STARD13: variants seen among roughly 807,000 people sequenced by gnomAD.
The protein encoded by STARD13 is stAR-related lipid transfer protein 13.
A neutral mutation model predicts 106.4 loss-of-function variants in STARD13; 62 were observed. The ratio of observed to expected loss-of-function variants is 0.58; its 90% CI spans 0.48 to 0.72. The LOEUF (loss-of-function observed/expected upper bound fraction) is 0.72. Ranked by LOEUF, STARD13 falls within the 30% of genes least tolerant of loss-of-function variation. STARD13 has a pLI of 0.00. For missense variants in STARD13, 1,387 were observed against 1,424.0 expected (o/e 0.97, Z 0.42); for synonymous variants, 565 against 553.0 (o/e 1.02, Z -0.31).
At chr13:33,513,700 A>G in the STARD13 span, among the ~76,000 whole-genome samples, 1 of 152,072 alleles carries the variant, frequency 6.6e-6, no homozygotes, top group Non-Finnish European at 1.5e-5. Context: ...CTATGCCATT[A>G]TGTATTTATG....
chr13:33,279,708 G>T (rs898178728), intron 1 of STARD13: 1 of 152,214 alleles, frequency 6.6e-6, no homozygotes, highest in African/African-American at 2.4e-5. Context: ...TTTGGTTAAA[G>T]TTAAACTCTC....
the STARD13 span, among the ~76,000 whole-genome samples, chr13:33,673,460 C>T: frequency 6.6e-6 from 1 of 151,780 alleles, no homozygotes; most frequent in Non-Finnish European, 1.5e-5. Context: ...TAAGTTACAC[C>T]TTACATGATT....
In STARD13 at chr13:33,123,055, CAAAAAA is replaced by C. The variant is rs71071079; in HGVS notation, c.2082+3020_2082+3025del. 2.6e-4 allele frequency among the ~76,000 whole-genome samples: 12 copies of C among 45,860 alleles called. No homozygotes were observed. The South Asian group carries it at 6.9e-3, about 26-fold the overall frequency. 30.1% of individuals were successfully genotyped at this position (45,860 alleles called of 152,430 possible). A position where few individuals can be genotyped will look rare whatever the true frequency, so the allele number is the denominator to read the frequency against. On this transcript the variant is annotated intron_variant, in intron 7 of 13. Transcript: ENST00000336934. Reference sequence around the variant, plus strand: ...TGGGTGACAGAGCAAGACTCCATCTCAAAAAAAAAAAAAAAAAAAAAAAAGCAAGGA... The same window carrying C: ...TGGGTGACAGAGCAAGACTCCATCTCAAAAAAAAAAAAAAAAAAGCAAGGA...
the STARD13 span, among the ~76,000 whole-genome samples, chr13:33,675,806 G>C: frequency 6.6e-6 from 1 of 152,158 alleles, no homozygotes; most frequent in Admixed American, 6.5e-5. Context: ...ACAAAAAGAA[G>C]ACTCAACATC....
chr13:33,387,804 C>G, the STARD13 span, among the ~76,000 whole-genome samples: 1 of 152,202 alleles, frequency 6.6e-6, no homozygotes, highest in African/African-American at 2.4e-5. Flanking sequence ...GCCTGTGTTT[C>G]AAAGGATGGG....
intron 1 of STARD13, among the ~76,000 whole-genome samples, chr13:33,229,972 A>T (rs1190217225): frequency 6.6e-6 from 1 of 152,218 alleles, no homozygotes; most frequent in African/African-American, 2.4e-5. Flanking sequence ...GACAAACCCT[A>T]GTGAATCCCA....
chr13:33,172,479 C>T (rs1255539690), intron 1 of STARD13, among the ~76,000 whole-genome samples: 2 of 152,120 alleles, frequency 1.3e-5, no homozygotes, highest in Non-Finnish European at 2.9e-5. Context: ...AGTCTGTGGA[C>T]AAGGCTCTGT....
At chr13:33,367,013 T>G in the STARD13 span, among the ~76,000 whole-genome samples, 1 of 152,206 alleles carries the variant, frequency 6.6e-6, no homozygotes, top group East Asian at 1.9e-4. Context: ...TGTGAGAGAA[T>G]ACCACTTAAG....
the STARD13 span, among the ~76,000 whole-genome samples, chr13:33,671,528 A>G: frequency 6.6e-6 from 1 of 152,214 alleles, no homozygotes; most frequent in African/African-American, 2.4e-5. Flanking sequence ...TCAGGAGTTC[A>G]AGACCGGCCT....
At chr13:33,244,093 C>G (rs1312365025) in intron 1 of STARD13, among the ~76,000 whole-genome samples, 2 of 149,820 alleles carry the variant, frequency 1.3e-5, no homozygotes, top group African/African-American at 2.5e-5. Flanking sequence ...ACATGATGCT[C>G]AAAGGAAATG....
intron 1 of STARD13, among the ~76,000 whole-genome samples, chr13:33,177,449 G>T (rs1349002959): frequency 3.9e-5 from 6 of 152,066 alleles, no homozygotes; most frequent in Non-Finnish European, 5.9e-5. Context: ...CAGCAAATGG[G>T]CTCTATTGTA....
the STARD13 span, among the ~76,000 whole-genome samples, chr13:33,469,702 C>G: frequency 2.0e-5 from 3 of 151,482 alleles, no homozygotes; most frequent in African/African-American, 7.3e-5. Flanking sequence ...CATTATTATC[C>G]CATTTAATTA....
the STARD13 span, among the ~76,000 whole-genome samples, chr13:33,675,395 G>C: frequency 3.3e-5 from 5 of 152,188 alleles, no homozygotes; most frequent in African/African-American, 4.8e-5. Context: ...GTCTGGAGGA[G>C]AGAGTTTTCA....
chr13:33,205,925 A>G, intron 1 of STARD13: 1 of 985,398 alleles, frequency 1.0e-6, no homozygotes, highest in Non-Finnish European at 1.2e-6. Context: ...AAACTGACAG[A>G]TGGTGCATCT....
At chr13:33,660,659 C>T in the STARD13 span, among the ~76,000 whole-genome samples, 1 of 152,192 alleles carries the variant, frequency 6.6e-6, no homozygotes, top group South Asian at 2.1e-4. Context: ...TTATAACTCA[C>T]TGCAGACTTG....
chr13:33,315,519 C>A (rs1317448368), intron 1 of STARD13, among the ~76,000 whole-genome samples: 1 of 152,148 alleles, frequency 6.6e-6, no homozygotes, highest in African/African-American at 2.4e-5. Flanking sequence ...CCTTAATTGG[C>A]AGAGTTAGCA....
At chr13:33,495,476 TA>T in the STARD13 span, among the ~76,000 whole-genome samples, 1 of 152,170 alleles carries the variant, frequency 6.6e-6, no homozygotes, top group Non-Finnish European at 1.5e-5. Flanking sequence ...GAACTAAAGT[TA>T]AAGGACGGGA....
At chr13:33,576,363 C>T in the STARD13 span, among the ~76,000 whole-genome samples, 1 of 152,040 alleles carries the variant, frequency 6.6e-6, no homozygotes, top group South Asian at 2.1e-4. Context: ...GCTGGGACTA[C>T]AGGAGTGTGC....
the STARD13 span, among the ~76,000 whole-genome samples, chr13:33,652,702 G>A: frequency 1.3e-5 from 2 of 152,196 alleles, no homozygotes; most frequent in South Asian, 4.1e-4. Flanking sequence ...CTACTTAGGA[G>A]AAAAAATGTT....
Sources: allele counts gnomAD v4.1 joint callset (sites outside exome capture counted in the v4.1 genomes callset), GRCh38; gene constraint gnomAD v4.1.1; transcripts MANE v1.5; gene names NCBI Gene and HGNC (gene_info 2026-07-23, HGNC 2026-07-21).